JPH3: variants seen among roughly 807,000 people sequenced by gnomAD.
The protein encoded by JPH3 is junctophilin 3.
In JPH3, 11 loss-of-function variants were observed where a neutral mutation model predicts 59.6. The observed-to-expected ratio is 0.18, with a 90% confidence interval of 0.12 to 0.31. The LOEUF (loss-of-function observed/expected upper bound fraction) is 0.31. Among genes scored for constraint, JPH3 ranks in the 10% least tolerant of loss-of-function variants. The pLI is 1.00. For synonymous variants in JPH3, 673 were observed against 483.6 expected (o/e 1.39, Z -5.14); for missense variants, 1,202 against 1,105.7 (o/e 1.09, Z -1.24).
chr16:87,626,546 C>A (rs2031382040), intron 1 of JPH3, among the ~76,000 whole-genome samples: 1 of 152,232 alleles, frequency 6.6e-6, no homozygotes. Flanking sequence ...GGTGCCGGCT[C>A]ATAGCTACAC....
At chr16:87,635,651 C>T (rs997867230) in intron 1 of JPH3, among the ~76,000 whole-genome samples, 1 of 152,224 alleles carries the variant, frequency 6.6e-6, no homozygotes, top group African/African-American at 2.4e-5. Context: ...CCTGTGGGGA[C>T]GCAGCTGTGG....
intron 1 of JPH3, among the ~76,000 whole-genome samples, chr16:87,639,641 C>T (rs577004049): frequency 2.8e-4 from 42 of 149,816 alleles, no homozygotes; most frequent in African/African-American, 8.9e-4. Context: ...CCTGGCCTCC[C>T]GCCTGTCCTC....
intron 2 of JPH3, among the ~76,000 whole-genome samples, chr16:87,652,017 C>T (rs2032339728): frequency 6.6e-6 from 1 of 152,128 alleles, no homozygotes; most frequent in Non-Finnish European, 1.5e-5. Flanking sequence ...CTCTGTTGCC[C>T]AGGCTGGAGT....
chr16:87,603,671 C>A, intron 1 of JPH3, 143 bp downstream of exon 1: 2 of 1,080,916 alleles, frequency 1.9e-6, no homozygotes, highest in Non-Finnish European at 2.6e-6. Context: ...TCCCTGGAAG[C>A]CACGGCGGCT....
chr16:87,649,007 C>G (rs2032244075), intron 2 of JPH3, among the ~76,000 whole-genome samples: 1 of 152,196 alleles, frequency 6.6e-6, no homozygotes, highest in Admixed American at 6.5e-5. Context: ...AGGCATCACA[C>G]ACGCAGCCAC....
At chr16:87,684,885 G>C (rs79933684) in intron 3 of JPH3, among the ~76,000 whole-genome samples, 3,213 of 152,176 alleles carry the variant, frequency 0.021, 110 homozygotes, top group African/African-American at 0.072. Flanking sequence ...GGAGGGTGTG[G>C]GGTGGGTGGC....
intron 1 of JPH3, among the ~76,000 whole-genome samples, chr16:87,619,444 C>T (rs1398765193): frequency 6.6e-6 from 1 of 152,188 alleles, no homozygotes; most frequent in Non-Finnish European, 1.5e-5. Context: ...GCTGCCTGCT[C>T]CGTTGGAGGT....
intron 2 of JPH3, among the ~76,000 whole-genome samples, chr16:87,676,402 A>G (rs995348561): frequency 2.0e-5 from 3 of 152,218 alleles, no homozygotes; most frequent in Non-Finnish European, 2.9e-5. Context: ...TTTACGGTAT[A>G]TAAATATATC....
intron 3 of JPH3, among the ~76,000 whole-genome samples, chr16:87,688,411 C>G (rs2033469855): frequency 6.6e-6 from 1 of 152,196 alleles, no homozygotes; most frequent in South Asian, 2.1e-4. Flanking sequence ...AACGGAGGGA[C>G]TATCTGGTGC....
At chr16:87,667,049 G>A (rs2032885956) in intron 2 of JPH3, among the ~76,000 whole-genome samples, 2 of 152,242 alleles carry the variant, frequency 1.3e-5, no homozygotes, top group African/African-American at 2.4e-5. Flanking sequence ...AGACGAGGGT[G>A]TGGCAGGGCC....
rs774957485 is a variant in JPH3, at chr16:87,684,430, T to C, written c.1285+164T>C. The C allele has an allele frequency of 2.2e-4, 258 of 1,189,484 alleles. 1 individual carries two copies. Among genetic ancestry groups the C allele is most frequent in the Admixed American group, 3.3e-4 (13 of 39,170 alleles). The allele number at this position is 1,189,484 out of a possible 1,614,324, so 73.7% of individuals were successfully genotyped here. A position where few individuals can be genotyped will look rare whatever the true frequency, so the allele number is the denominator to read the frequency against. ...TCCTCTCCCGCCGAAGGTGCTTGTT[T>C]GTGCCAAGGCCTGGCCTGGCTCCCC... is the stretch of plus-strand genomic sequence containing the variant. On this transcript the variant is annotated intron_variant, in intron 3 of 4. Transcript: ENST00000284262.
At chr16:87,656,531 C>T (rs758975869) in intron 2 of JPH3, among the ~76,000 whole-genome samples, 5 of 152,196 alleles carry the variant, frequency 3.3e-5, no homozygotes, top group Admixed American at 6.5e-5. Flanking sequence ...GGCTCAGGGC[C>T]GGGCCCAGTT....
At chr16:87,691,154 G>C (rs1179343022) in intron 4 of JPH3, among the ~76,000 whole-genome samples, 1 of 151,844 alleles carries the variant, frequency 6.6e-6, no homozygotes, top group Non-Finnish European at 1.5e-5. Flanking sequence ...CCCTGGGCTA[G>C]ACTCGGCGCG....
intron 1 of JPH3, among the ~76,000 whole-genome samples, chr16:87,626,195 G>T (rs1381558308): frequency 6.6e-6 from 1 of 152,170 alleles, no homozygotes; most frequent in African/African-American, 2.4e-5. Flanking sequence ...TAGTAACTGG[G>T]TCTTCAAGGC....
At chr16:87,672,170 G>A (rs780539253) in intron 2 of JPH3, among the ~76,000 whole-genome samples, 5 of 152,138 alleles carry the variant, frequency 3.3e-5, no homozygotes, top group Non-Finnish European at 1.5e-5. Context: ...TCTAAACATA[G>A]GCTGTGGCCT....
intron 2 of JPH3, among the ~76,000 whole-genome samples, chr16:87,667,401 CTG>C (rs1318337573): frequency 6.6e-6 from 1 of 152,246 alleles, no homozygotes; most frequent in Non-Finnish European, 1.5e-5. Context: ...GCAGTGGAGA[CTG>C]TGTCATGCTC....
chr16:87,696,733 G>A lies in JPH3; in HGVS notation c.*73G>A. On this transcript the variant is annotated 3_prime_UTR_variant, in exon 5 of 5. Transcript: ENST00000284262. ...ATTAAAATTAAAAGCAAAACCACAA[G>A]AAGGGAAAGACCGCAACTCGGACAG... 1.6e-6 allele frequency: 2 copies of A among 1,287,808 alleles called. No individual in the cohort carries two copies. Among genetic ancestry groups the A allele is most frequent in the East Asian group, 2.3e-5 (1 of 43,268 alleles). The allele number at this position is 1,287,808 out of a possible 1,614,324, so 79.8% of individuals were successfully genotyped here.
At chr16:87,637,129 T>A (rs1036797189) in intron 1 of JPH3, among the ~76,000 whole-genome samples, 1 of 152,200 alleles carries the variant, frequency 6.6e-6, no homozygotes, top group Admixed American at 6.5e-5. Context: ...AAATCTTACA[T>A]CTGTATTTTT....
Position 87,644,340 on chromosome 16 carries a change from C to A in JPH3, c.465C>A (p.Val155=), listed in dbSNP as rs139646855. Residue 155 remains valine (V), a synonymous_variant, in exon 2 of 5, where the codon GTC becomes GTA. Coordinates refer to ENST00000284262, the MANE Select transcript of JPH3 (RefSeq NM_020655.4). The part of the protein sequence containing the change: ...RQSVPYGMAA[V]IRSPLRTSIN... ...GCGTCCCGTATGGCATGGCCGCGGT[C>A]ATCCGCTCACCCCTGAGGACGTCCA... 2.5e-6 allele frequency: 4 copies of A among 1,612,882 alleles called. No homozygotes were observed. The highest frequency in any genetic ancestry group is 2.5e-6 in the Non-Finnish European group (3 of 1,179,952).
Sources: allele counts gnomAD v4.1 joint callset (sites outside exome capture counted in the v4.1 genomes callset), GRCh38; gene constraint gnomAD v4.1.1; transcripts MANE v1.5; gene names NCBI Gene and HGNC (gene_info 2026-07-23, HGNC 2026-07-21).